The following WDR27 variants were observed in gnomAD, a reference collection of about 807,000 sequenced individuals.
WDR27 encodes WD repeat domain 27.
A neutral mutation model predicts 114.4 loss-of-function variants in WDR27; 100 were observed. The ratio of observed to expected loss-of-function variants is 0.87; its 90% CI spans 0.74 to 1.03. The LOEUF is 1.03. Among genes scored for constraint, WDR27 ranks in the 50% least tolerant of loss-of-function variants. The pLI, the probability that WDR27 is intolerant of heterozygous loss-of-function variation, is 0.00. For synonymous variants in WDR27, 449 were observed against 423.1 expected (o/e 1.06, Z -0.75); for missense variants, 1,129 against 1,092.9 (o/e 1.03, Z -0.47).
the WDR27 span, among the ~76,000 whole-genome samples, chr6:169,429,085 C>T: frequency 6.6e-6 from 1 of 152,170 alleles, no homozygotes; most frequent in African/African-American, 2.4e-5. Context: ...AGCCCCTCTC[C>T]TGCAGCCAGA....
chr6:169,587,423 T>C (rs780910801), intron 23 of WDR27, among the ~76,000 whole-genome samples: 13 of 152,070 alleles, frequency 8.5e-5, no homozygotes, highest in Non-Finnish European at 1.3e-4. Flanking sequence ...TTCACCATGT[T>C]AGCCAGGCTG....
rs1442504550 is a variant in WDR27, at chr6:169,659,758, G to A, written c.1130-240C>T. ...CTGAGCGTCACACATGCCAGGCTCC[G>A]CTCTGAGGCTGGGATGTGACTCGGA... On this transcript the variant is annotated intron_variant, in intron 10 of 25. Coordinates refer to ENST00000448612, the MANE Select transcript of WDR27 (RefSeq NM_182552.5). This position sits in a 1 kb window ranked among gnomAD's most constrained non-coding sequence, Gnocchi z 4.3. Among the ~76,000 whole-genome samples the A allele has an allele frequency of 2.0e-5, 3 of 152,090 alleles. No individual in the cohort carries two copies. The highest frequency in any genetic ancestry group is 1.9e-4 in the East Asian group (1 of 5,172).
chr6:169,593,073 G>T (rs1192805781), intron 23 of WDR27, among the ~76,000 whole-genome samples: 6 of 152,150 alleles, frequency 3.9e-5, no homozygotes, highest in Non-Finnish European at 7.3e-5. Context: ...CTTTTCAATT[G>T]ATATTCATAA....
Position 169,654,469 on chromosome 6 carries a change from C to T in WDR27, c.1403-2461G>A, listed in dbSNP as rs537051859. On this transcript the variant is annotated intron_variant, in intron 13 of 25. Coordinates refer to ENST00000448612, the MANE Select transcript of WDR27 (RefSeq NM_182552.5). ...TAAAGCGTATCTGATTAAACACAAGCAATAACCACCTCATGTTTAACCAGG... is the reference window on the plus strand; with the variant it reads ...TAAAGCGTATCTGATTAAACACAAGTAATAACCACCTCATGTTTAACCAGG... Among the ~76,000 whole-genome samples the T allele has an allele frequency of 2.0e-5, 3 of 152,306 alleles. No individual in the cohort carries two copies. In the South Asian group the frequency reaches 6.2e-4, roughly 32 times the overall value.
chr6:169,644,881 C>T (rs1323522783), intron 16 of WDR27, among the ~76,000 whole-genome samples: 1 of 101,920 alleles, frequency 9.8e-6, no homozygotes, highest in Non-Finnish European at 1.8e-5. Flanking sequence ...TAGTGGCGGG[C>T]GCCTGTAGTC....
In WDR27 at chr6:169,554,745, T is replaced by C. The variant is rs1376476047; in HGVS notation, c.2645+17674A>G. Among the ~76,000 whole-genome samples, 3 of 152,142 alleles carry C rather than the reference T, an allele frequency of 2.0e-5. No homozygotes were observed. The East Asian group carries it at 5.8e-4, about 29-fold the overall frequency. On this transcript the variant is annotated intron_variant, in intron 25 of 25. Transcript: ENST00000448612. The stretch of plus-strand genomic sequence containing the variant: ...CCGTAAAAGGGGATTCGCTGTACTT[T>C]CCCCACGAGTGCATTAGTAACCTCC...
the WDR27 span, among the ~76,000 whole-genome samples, chr6:169,445,068 A>G: frequency 6.6e-6 from 1 of 152,228 alleles, no homozygotes; most frequent in Non-Finnish European, 1.5e-5. Flanking sequence ...TCAACTTCAA[A>G]TACAAACAAT....
chr6:169,634,881 T>C (rs1817296825), intron 19 of WDR27, among the ~76,000 whole-genome samples: 1 of 152,134 alleles, frequency 6.6e-6, no homozygotes, highest in African/African-American at 2.4e-5. Context: ...AAGACATGCC[T>C]CAGCTTCACT....
At chr6:169,699,464 C>CAA in intron 1 of WDR27, among the ~76,000 whole-genome samples, 1 of 152,138 alleles carries the variant, frequency 6.6e-6, no homozygotes, top group African/African-American at 2.4e-5. Flanking sequence ...ACAGAGCTGA[C>CAA]GAGATACACA....
In WDR27 at chr6:169,649,379, C is replaced by T. The variant is rs182217213; in HGVS notation, c.1482-104G>A. 6.5e-3 allele frequency: 6,477 copies of T among 994,352 alleles called. 39 individuals carry two copies. The highest frequency in any genetic ancestry group is 0.017 in the South Asian group (1,225 of 70,362). The allele number at this position is 994,352 out of a possible 1,614,324, so 61.6% of individuals were successfully genotyped here. On this transcript the variant is annotated intron_variant, in intron 14 of 25. Transcript: ENST00000448612. ...AAAAAATTATATACATAGATATAGA[C>T]GTCTGCATAAATGCTTTCGGGCCCC...
At chr6:169,672,166 G>T in intron 3 of WDR27, 89 bp downstream of exon 3, 1 of 1,401,480 alleles carries the variant, frequency 7.1e-7, no homozygotes. Context: ...TTACCCAAGG[G>T]AAACACCCCT....
intron 25 of WDR27, among the ~76,000 whole-genome samples, chr6:169,458,001 G>GGAGGAGAAA (rs1411552856): frequency 6.6e-6 from 1 of 151,688 alleles, no homozygotes; most frequent in African/African-American, 2.4e-5. Flanking sequence ...AGGAGGAGGA[G>GGAGGAGAAA]GAGGAGGTGG....
the WDR27 span, among the ~76,000 whole-genome samples, chr6:169,445,874 A>T: frequency 1.3e-5 from 2 of 152,296 alleles, no homozygotes; most frequent in East Asian, 3.9e-4. Context: ...CCGAGCCCTG[A>T]CTGAGTCTTT....
At chr6:169,530,242 G>A (rs923546157) in intron 25 of WDR27, among the ~76,000 whole-genome samples, 2 of 152,130 alleles carry the variant, frequency 1.3e-5, no homozygotes, top group African/African-American at 4.8e-5. Context: ...AACACAAACA[G>A]TTGCAAATAT....
chr6:169,551,006 G>A lies in WDR27; in HGVS notation c.2645+21413C>T, dbSNP rs77065502. ...GGAGGGTTTACAGGTGTCAGCCACC[G>A]CACCTGGACATTTTGAGTTATTTTT... On this transcript the variant is annotated intron_variant, in intron 25 of 25. Transcript: ENST00000448612. 1.3e-3 allele frequency among the ~76,000 whole-genome samples: 205 copies of A among 152,256 alleles called. 3 individuals carry two copies. The East Asian group carries it at 0.032, about 24-fold the overall frequency.
chr6:169,484,269 C>A (rs536184010), intron 25 of WDR27, among the ~76,000 whole-genome samples: 3 of 152,138 alleles, frequency 2.0e-5, no homozygotes, highest in African/African-American at 4.8e-5. Flanking sequence ...TCTATATCTA[C>A]AAAACCCTAT....
Position 169,457,442 on chromosome 6 carries a change from G to A in WDR27, c.*150C>T. 1.7e-6 allele frequency: 1 copy of A among 602,040 alleles called. No individual in the cohort carries two copies. Among genetic ancestry groups the A allele is most frequent in the Non-Finnish European group, 2.9e-6 (1 of 346,480 alleles). 37.3% of individuals were successfully genotyped at this position (602,040 alleles called of 1,614,324 possible). On this transcript the variant is annotated 3_prime_UTR_variant, in exon 26 of 26. Transcript: ENST00000448612. ...GACATGGCACACACAGAGGGGAGGA[G>A]CTTGCAAACGGGGGAAATCTGAGGC...
At chr6:169,544,134 T>A (rs543814619) in intron 25 of WDR27, among the ~76,000 whole-genome samples, 1 of 152,244 alleles carries the variant, frequency 6.6e-6, no homozygotes, top group South Asian at 2.1e-4. Context: ...ACAACTAACA[T>A]CACACTTAAT....
chr6:169,463,170 T>C (rs904090611), intron 25 of WDR27, among the ~76,000 whole-genome samples: 18 of 152,140 alleles, frequency 1.2e-4, no homozygotes, highest in African/African-American at 4.3e-4. Context: ...TCTTGAAAAC[T>C]ACAACTTCCA....
Sources: gnomAD v4.1 joint callset for allele counts (sites outside exome capture counted in the v4.1 genomes callset) on GRCh38, gnomAD v4.1.1 for gene constraint, Gnocchi (gnomAD v3.1) non-coding constraint, MANE v1.5 for transcripts, NCBI Gene and HGNC (gene_info 2026-07-23, HGNC 2026-07-21) for gene names.